VPS35L: variants seen among roughly 807,000 people sequenced by gnomAD.
VPS35L encodes VPS35 endosomal protein-sorting factor-like.
Under a neutral mutation model 133.0 loss-of-function variants are expected in VPS35L, and 83 were observed. The ratio of observed to expected loss-of-function variants is 0.62; its 90% CI spans 0.52 to 0.75. The LOEUF is 0.75. Among genes scored for constraint, VPS35L ranks in the 30% least tolerant of loss-of-function variants. The pLI is 0.00. For synonymous variants in VPS35L, 423 were observed against 449.9 expected (o/e 0.94, Z 0.76); for missense variants, 1,083 against 1,206.8 (o/e 0.90, Z 1.52).
intron 28 of VPS35L, among the ~76,000 whole-genome samples, chr16:19,690,593 C>A (rs1975634616): frequency 6.6e-6 from 1 of 152,198 alleles, no homozygotes; most frequent in Non-Finnish European, 1.5e-5. Context: ...TGGAATCAGA[C>A]TTCCTGGTTT....
chr16:19,652,509 G>GA (rs952077624), intron 26 of VPS35L: 58 of 159,180 alleles, frequency 3.6e-4, no homozygotes, highest in East Asian at 7.4e-4. Context: ...AAGGAGGAAA[G>GA]AAAAAAAAAG....
At position 19,608,189 on chromosome 16, in the gene VPS35L, C is replaced by G. The variant is rs1011499880; in HGVS notation, c.796C>G (p.Pro266Ala). 11 of 1,612,754 alleles carry G rather than the reference C, an allele frequency of 6.8e-6. No individual in the cohort carries two copies. Among genetic ancestry groups the G allele is most frequent in the African/African-American group, 2.7e-5 (2 of 74,740 alleles). Reference sequence around the variant, plus strand: ...TTTTTGTATTACAGATCACTTTTCTCCAGAGAATGCAAATGACACGGCCAA... The same window carrying G: ...TTTTTGTATTACAGATCACTTTTCTGCAGAGAATGCAAATGACACGGCCAA... Reference protein sequence around the residue: ...SRSVLPDHFSPENANDTAKET... With the variant: ...SRSVLPDHFSAENANDTAKET... The change falls in exon 10 of 31, where the codon CCA (proline) becomes GCA (alanine). Residue 266 changes from proline to alanine, a missense_variant. Pro to Ala is a conservative substitution (Grantham distance 27). Coordinates refer to ENST00000417362, the MANE Select transcript of VPS35L (RefSeq NM_020314.7).
rs545886138 is a variant in VPS35L, at chr16:19,649,108, C to T, written c.2028+1226C>T. Among the ~76,000 whole-genome samples, 19 of 152,184 alleles carry T rather than the reference C, an allele frequency of 1.2e-4. No individual in the cohort carries two copies. The East Asian group carries it at 3.7e-3, about 30-fold the overall frequency. On this transcript the variant is annotated intron_variant, in intron 24 of 30. Coordinates refer to ENST00000417362, the MANE Select transcript of VPS35L (RefSeq NM_020314.7). ...GGTTCAAGTGATTCTCTTGCCTCAG[C>T]CTCCCGAGTAGCTATAATTACAGGC... is the stretch of plus-strand genomic sequence containing the variant.
chr16:19,626,288 G>A, intron 15 of VPS35L, 65 bp downstream of exon 15: 2 of 1,239,818 alleles, frequency 1.6e-6, no homozygotes, highest in Non-Finnish European at 2.4e-6. Context: ...TTTTGAGCTT[G>A]GCCTGCTTAC....
In VPS35L at chr16:19,699,728, C is replaced by A; in HGVS notation, c.2793+80C>A. 6.4e-7 allele frequency: 1 copy of A among 1,561,356 alleles called. No homozygotes were observed. Among genetic ancestry groups the A allele is most frequent in the South Asian group, 1.1e-5 (1 of 89,460 alleles). ...CCTCAACACAGCATTGTGGCCTGGA[C>A]ATCAGACAGACAACCCCATACTCCC... On this transcript the variant is annotated intron_variant, in intron 30 of 30. Coordinates refer to ENST00000417362, the MANE Select transcript of VPS35L (RefSeq NM_020314.7). The surrounding 1 kb of genome is among the most constrained non-coding windows in gnomAD (Gnocchi z 4.2).
Position 19,652,035 on chromosome 16 carries a change from C to T in VPS35L, c.2166C>T (p.Leu722=), listed in dbSNP as rs562864979. The change falls in exon 26 of 31, where the codon CTC becomes CTT. Residue 722 remains leucine (L), a synonymous_variant. Coordinates refer to ENST00000417362, the MANE Select transcript of VPS35L (RefSeq NM_020314.7). The part of the protein sequence containing the change: ...IPSLAGIFTR[L]NLYLHSGQVA... ...CCCTGGCGGGCATCTTCACACGTCT[C>T]AATCTCTACCTGCATTCTGGTCAGG... 1.2e-6 allele frequency: 2 copies of T among 1,613,368 alleles called. No homozygotes were observed. The highest frequency in any genetic ancestry group is 2.7e-5 in the African/African-American group (2 of 75,036).
chr16:19,699,548 T>A lies in VPS35L; in HGVS notation c.2693T>A (p.Ile898Asn), dbSNP rs1271401117. The change falls in exon 30 of 31, where the codon ATC (isoleucine) becomes AAC (asparagine). Residue 898 changes from isoleucine (I) to asparagine (N), a missense_variant. Ile to Asn is a moderately radical substitution (Grantham distance 149, BLOSUM62 -3). Coordinates refer to ENST00000417362, the MANE Select transcript of VPS35L (RefSeq NM_020314.7). The surrounding 1 kb of genome is among the most constrained non-coding windows in gnomAD (Gnocchi z 4.2). ...SSLGLSFFNS[I>N]LAHGDLRNNK... The stretch of plus-strand genomic sequence containing the variant: ...TTGGGCCTTTCCTTCTTTAACAGCA[T>A]CTTGGCCCATGGGGACCTACGCAAC... 3 of 1,614,164 alleles carry A rather than the reference T, an allele frequency of 1.9e-6. No individual in the cohort carries two copies. In the South Asian group the frequency reaches 3.3e-5, roughly 18 times the overall value.
intron 19 of VPS35L, among the ~76,000 whole-genome samples, chr16:19,635,982 A>C (rs1973611139): frequency 6.6e-6 from 1 of 152,186 alleles, no homozygotes; most frequent in Non-Finnish European, 1.5e-5. Flanking sequence ...CCAGGAGTTC[A>C]AGACCAGCCT....
rs746518774 is a variant in VPS35L, at chr16:19,639,982, C to T, written c.1699-33C>T. The T allele has an allele frequency of 5.8e-6, 9 of 1,557,686 alleles. No homozygotes were observed. Among genetic ancestry groups the T allele is most frequent in the Non-Finnish European group, 8.0e-6 (9 of 1,130,474 alleles). On this transcript the variant is annotated intron_variant, in intron 20 of 30. Coordinates refer to ENST00000417362, the MANE Select transcript of VPS35L (RefSeq NM_020314.7). The surrounding 1 kb of genome is among the most constrained non-coding windows in gnomAD (Gnocchi z 4.1). Reference sequence around the variant, plus strand: ...ATTCCTTCCTTCCAATAACTTGTGTCATTTGCATATAGAGTGCTTGCTTTA... The same window carrying T: ...ATTCCTTCCTTCCAATAACTTGTGTTATTTGCATATAGAGTGCTTGCTTTA...
chr16:19,700,501 G>A lies in VPS35L; in HGVS notation c.*25G>A. On this transcript the variant is annotated 3_prime_UTR_variant, in exon 31 of 31. Coordinates refer to ENST00000417362, the MANE Select transcript of VPS35L (RefSeq NM_020314.7). ...ACCCCCGGGCCCATCCCCAGGCTCA[G>A]GGACTCTGGTGCCAAATCCAGAAAG... 6.3e-7 allele frequency: 1 copy of A among 1,591,730 alleles called. No individual in the cohort carries two copies.
At chr16:19,601,972 A>G (rs1221536098) in intron 9 of VPS35L, among the ~76,000 whole-genome samples, 2 of 152,194 alleles carry the variant, frequency 1.3e-5, no homozygotes, top group African/African-American at 4.8e-5. Context: ...GATTCAGCCA[A>G]ACTTTCACAC....
In VPS35L at chr16:19,633,055, G is replaced by C. The variant is rs550469914; in HGVS notation, c.1555-37G>C. 6 of 1,557,408 alleles carry C rather than the reference G, an allele frequency of 3.9e-6. No homozygotes were observed. In the East Asian group the frequency reaches 1.3e-4, roughly 35 times the overall value. The stretch of plus-strand genomic sequence containing the variant: ...GAACATGGTCAGCAGTTGCCATACA[G>C]TGTCTAATTCAGGTTTGGTTCCTTT... On this transcript the variant is annotated intron_variant, in intron 18 of 30. Transcript: ENST00000417362. This position sits in a 1 kb window ranked among gnomAD's most constrained non-coding sequence, Gnocchi z 4.1.
intron 28 of VPS35L, among the ~76,000 whole-genome samples, chr16:19,689,374 G>C (rs550382615): frequency 6.6e-6 from 1 of 151,510 alleles, no homozygotes; most frequent in Non-Finnish European, 1.5e-5. Context: ...GCGTTCAAGC[G>C]ATTCTCCTGC....
chr16:19,610,131 A>C (rs2151546672), intron 11 of VPS35L, among the ~76,000 whole-genome samples, 191 bp from the exon 12 acceptor site: 1 of 152,364 alleles, frequency 6.6e-6, no homozygotes, highest in Middle Eastern at 3.4e-3. Context: ...TCAATGAATG[A>C]ATTGTATCAG....
chr16:19,593,904 G>A (rs564218366), intron 8 of VPS35L, among the ~76,000 whole-genome samples: 21 of 148,010 alleles, frequency 1.4e-4, no homozygotes, highest in East Asian at 4.0e-4. Context: ...GCGACAGGGC[G>A]AGACTCCGTC....
intron 28 of VPS35L, among the ~76,000 whole-genome samples, chr16:19,687,022 C>G (rs1389797660): frequency 6.6e-6 from 1 of 152,170 alleles, no homozygotes; most frequent in Non-Finnish European, 1.5e-5. Context: ...CACACTATTG[C>G]AATTGCCTGT....
chr16:19,602,598 A>G (rs532018595), intron 9 of VPS35L, among the ~76,000 whole-genome samples: 2 of 149,554 alleles, frequency 1.3e-5, no homozygotes, highest in African/African-American at 4.9e-5. Flanking sequence ...CAATCGATCA[A>G]TTTATCTTTA....
intron 9 of VPS35L, among the ~76,000 whole-genome samples, chr16:19,604,357 A>G (rs1454795002): frequency 6.6e-6 from 1 of 151,950 alleles, no homozygotes; most frequent in East Asian, 1.9e-4. Context: ...CTAATAACTA[A>G]CTCCTTGCCT....
intron 20 of VPS35L, among the ~76,000 whole-genome samples, chr16:19,638,552 T>C (rs767202531): frequency 2.6e-5 from 4 of 152,194 alleles, no homozygotes; most frequent in Non-Finnish European, 4.4e-5. Context: ...ATAGCTAAAA[T>C]AGAACAGTTA....
Sources: gnomAD v4.1 joint callset for allele counts (sites outside exome capture counted in the v4.1 genomes callset) on GRCh38, gnomAD v4.1.1 for gene constraint, Gnocchi (gnomAD v3.1) non-coding constraint, MANE v1.5 for transcripts, NCBI Gene and HGNC (gene_info 2026-07-23, HGNC 2026-07-21) for gene names.